TUSC3: variants seen among roughly 807,000 people sequenced by gnomAD.
TUSC3 encodes the protein dolichyl-diphosphooligosaccharide--protein glycosyltransferase subunit TUSC3.
Under a neutral mutation model 44.8 loss-of-function variants are expected in TUSC3, and 45 were observed. That is an observed-to-expected ratio of 1.00 (90% CI 0.79 to 1.29). The LOEUF is 1.29. TUSC3 is among the 50% of genes most tolerant of loss of function. TUSC3 has a pLI of 0.00. For synonymous variants in TUSC3, 212 were observed against 152.9 expected (o/e 1.39, Z -2.85); for missense variants, 519 against 437.9 (o/e 1.19, Z -1.65).
intron 8 of TUSC3, among the ~76,000 whole-genome samples, chr8:15,743,936 A>G (rs769556944): frequency 6.6e-6 from 1 of 152,216 alleles, no homozygotes; most frequent in Middle Eastern, 3.4e-3. Flanking sequence ...GAAAATTTTG[A>G]GGGCAGAGTC....
the TUSC3 span, among the ~76,000 whole-genome samples, chr8:15,795,720 C>T: frequency 2.0e-5 from 3 of 152,234 alleles, no homozygotes; most frequent in South Asian, 4.1e-4. Flanking sequence ...GTAGTACCCA[C>T]ATCAGTTTTT....
At position 15,764,349 on chromosome 8, in the gene TUSC3, G is replaced by C. The variant is rs1812269183; in HGVS notation, c.*193G>C. 1 of 895,796 alleles carries C rather than the reference G, an allele frequency of 1.1e-6. No individual in the cohort carries two copies. The highest frequency in any genetic ancestry group is 1.7e-6 in the Non-Finnish European group (1 of 587,240). 55.5% of individuals were successfully genotyped at this position (895,796 alleles called of 1,614,324 possible). On this transcript the variant is annotated 3_prime_UTR_variant, in exon 11 of 11. Coordinates refer to ENST00000503731, the MANE Select transcript of TUSC3 (RefSeq NM_006765.4). ...TCTTGTGTACTTTTTTTAAACTGTG[G>C]GTTTTCCTAGTAAATTTAATTTACA...
At chr8:15,643,772 G>T (rs1482884305) in intron 2 of TUSC3, among the ~76,000 whole-genome samples, 1 of 152,190 alleles carries the variant, frequency 6.6e-6, no homozygotes, top group African/African-American at 2.4e-5. Context: ...AGCGCAACCA[G>T]AGGAGCAACT....
At chr8:15,790,459 A>G in the TUSC3 span, among the ~76,000 whole-genome samples, 1 of 152,096 alleles carries the variant, frequency 6.6e-6, no homozygotes, top group Non-Finnish European at 1.5e-5. Flanking sequence ...CTGGGATTAC[A>G]GGCATGAGCC....
chr8:15,665,255 AC>A (rs1807609075), intron 5 of TUSC3, among the ~76,000 whole-genome samples: 1 of 151,666 alleles, frequency 6.6e-6, no homozygotes, highest in Non-Finnish European at 1.5e-5. Context: ...CTTCCATAGA[AC>A]AAAAAAATGT....
chr8:15,767,434 G>GAA (rs201749533), downstream of TUSC3, among the ~76,000 whole-genome samples: 96 of 132,106 alleles, frequency 7.3e-4, no homozygotes, highest in East Asian at 3.3e-3. Context: ...AGAAAAACAG[G>GAA]AAAAAAAAAA....
chr8:15,561,526 C>G (rs1415232032), intron 1 of TUSC3: 1 of 150,106 alleles, frequency 6.7e-6, no homozygotes, highest in Non-Finnish European at 1.5e-5. Context: ...CTGTGGTGGG[C>G]TCCACCCAGT....
intron 6 of TUSC3, among the ~76,000 whole-genome samples, chr8:15,714,763 AAAAG>A (rs917220577): frequency 6.6e-6 from 1 of 152,164 alleles, no homozygotes; most frequent in Non-Finnish European, 1.5e-5. Flanking sequence ...ATGAATGTTC[AAAAG>A]AAAGATGTAT....
chr8:15,565,530 C>G (rs1029227915), intron 1 of TUSC3, among the ~76,000 whole-genome samples: 2 of 152,312 alleles, frequency 1.3e-5, no homozygotes, highest in Middle Eastern at 3.4e-3. Context: ...GCTTTCAAGA[C>G]ATTCATACAC....
At chr8:15,836,858 CCCTT>C in the TUSC3 span, among the ~76,000 whole-genome samples, 13 of 152,132 alleles carry the variant, frequency 8.5e-5, no homozygotes, top group South Asian at 2.1e-4. Context: ...CTTTTCCTCT[CCCTT>C]CCCTCCCTCA....
At chr8:15,754,998 T>C (rs550499667) in intron 9 of TUSC3, among the ~76,000 whole-genome samples, 1 of 152,254 alleles carries the variant, frequency 6.6e-6, no homozygotes, top group South Asian at 2.1e-4. Context: ...CTGACACAGG[T>C]ACCTGCTAAA....
intron 1 of TUSC3, among the ~76,000 whole-genome samples, chr8:15,569,961 A>G (rs1802811168): frequency 6.6e-6 from 1 of 152,100 alleles, no homozygotes; most frequent in Non-Finnish European, 1.5e-5. Flanking sequence ...TCATCGCTTA[A>G]GAGGCAATTC....
chr8:15,485,729 C>T (rs564162898), intron 2 of TUSC3, among the ~76,000 whole-genome samples: 2 of 152,064 alleles, frequency 1.3e-5, no homozygotes, highest in Admixed American at 1.3e-4. Context: ...CAGAGCTTTG[C>T]TTTGTATTTT....
intron 2 of TUSC3, among the ~76,000 whole-genome samples, chr8:15,526,822 T>C (rs1801379626): frequency 6.6e-6 from 1 of 152,128 alleles, no homozygotes; most frequent in Non-Finnish European, 1.5e-5. Context: ...GAAGTCTCAG[T>C]GTTGAGGGAG....
At position 15,556,301 on chromosome 8, in the gene TUSC3, A is replaced by T. The variant is rs540466424; in HGVS notation, c.138+15733A>T. ...GATAGTTTACTGAGAATGTTTTCCA[A>T]TTTCATCCATGTCCCTACAAAGGAC... On this transcript the variant is annotated intron_variant, in intron 1 of 10. Transcript: ENST00000503731. Among the ~76,000 whole-genome samples, 6 of 149,214 alleles carry T rather than the reference A, an allele frequency of 4.0e-5. No homozygotes were observed. The South Asian group carries it at 1.1e-3, about 27-fold the overall frequency.
intron 2 of TUSC3, among the ~76,000 whole-genome samples, chr8:15,520,935 A>G (rs1483584284): frequency 1.3e-5 from 2 of 152,248 alleles, no homozygotes; most frequent in African/African-American, 2.4e-5. Flanking sequence ...TGGAGCCTGA[A>G]ATAAAGGCTA....
chr8:15,703,559 T>C (rs973839290), intron 6 of TUSC3, among the ~76,000 whole-genome samples: 10 of 152,134 alleles, frequency 6.6e-5, no homozygotes, highest in African/African-American at 2.2e-4. Context: ...AAGAGTTTTA[T>C]TTGGGTCACC....
chr8:15,577,790 G>A (rs371794309), intron 1 of TUSC3, among the ~76,000 whole-genome samples: 41 of 145,198 alleles, frequency 2.8e-4, no homozygotes, highest in East Asian at 1.4e-3. Flanking sequence ...TTGACTTGGC[G>A]ATGCGGGCTC....
chr8:15,440,746 T>G (rs772291082), intron 1 of TUSC3, among the ~76,000 whole-genome samples: 5 of 152,226 alleles, frequency 3.3e-5, no homozygotes, highest in African/African-American at 1.2e-4. Flanking sequence ...ATGATATTCT[T>G]CAGGAAACTA....
Sources: allele counts gnomAD v4.1 joint callset (sites outside exome capture counted in the v4.1 genomes callset), GRCh38; gene constraint gnomAD v4.1.1; transcripts MANE v1.5; gene names NCBI Gene and HGNC (gene_info 2026-07-23, HGNC 2026-07-21).